The following IL1RAPL1 variants were observed in gnomAD, a reference collection of about 807,000 sequenced individuals.
The protein encoded by IL1RAPL1 is interleukin 1 receptor accessory protein like 1.
IL1RAPL1 carries 3 observed loss-of-function variants against 48.4 expected under a neutral mutation model. The observed-to-expected ratio is 0.06, with a 90% CI of 0.03 to 0.16. IL1RAPL1 has a LOEUF of 0.16. IL1RAPL1 is among the 10% of genes least tolerant of loss of function. IL1RAPL1 has a pLI of 1.00. For missense variants in IL1RAPL1, 349 were observed against 530.6 expected (o/e 0.66, Z 3.36); for synonymous variants, 185 against 187.7 (o/e 0.99, Z 0.12).
At chrX:29,662,229 A>G (rs891662038) in intron 5 of IL1RAPL1, among the ~76,000 whole-genome samples, 4 of 111,295 alleles carry the variant, frequency 3.6e-5, no homozygotes, top group African/African-American at 1.3e-4. Context: ...AGTATACTCC[A>G]TCTCAGCACC....
At chrX:29,153,344 G>A (rs225045) in intron 2 of IL1RAPL1, among the ~76,000 whole-genome samples, 49,452 of 110,494 alleles carry the variant, frequency 0.45, 8,503 homozygotes, top group Non-Finnish European at 0.55. Flanking sequence ...TAATATATTC[G>A]CAGGTTCAGG....
intron 2 of IL1RAPL1, among the ~76,000 whole-genome samples, chrX:29,080,051 TTTTTAG>T (rs1313209904): frequency 9.0e-6 from 1 of 111,563 alleles, no homozygotes; most frequent in African/African-American, 3.3e-5. Context: ...TCTTGGATTT[TTTTTAG>T]TTTTAGTTTC....
intron 6 of IL1RAPL1, among the ~76,000 whole-genome samples, chrX:29,691,750 CAA>C (rs761236508): frequency 1.7e-4 from 3 of 17,685 alleles, no homozygotes; most frequent in African/African-American, 1.0e-3. Flanking sequence ...GACTCCGTCT[CAA>C]AAAAAAAAAA....
chrX:29,294,453 G>A (rs779494990), intron 3 of IL1RAPL1, among the ~76,000 whole-genome samples: 13 of 107,280 alleles, frequency 1.2e-4, no homozygotes, highest in Non-Finnish European at 2.3e-4. Flanking sequence ...GCGTGAACCC[G>A]GGAGGCAGAG....
intron 2 of IL1RAPL1, among the ~76,000 whole-genome samples, chrX:28,973,237 T>G (rs1925127686): frequency 8.9e-6 from 1 of 112,225 alleles, no homozygotes; most frequent in African/African-American, 3.2e-5. Flanking sequence ...CTTTGTTGTT[T>G]ATGACACAGT....
intron 1 of IL1RAPL1, among the ~76,000 whole-genome samples, chrX:28,783,131 A>G (rs1054568682): frequency 1.8e-5 from 2 of 111,449 alleles, no homozygotes; most frequent in Non-Finnish European, 1.9e-5. Context: ...AGGTGTGCCA[A>G]TTATCCCATA....
intron 1 of IL1RAPL1, among the ~76,000 whole-genome samples, chrX:28,672,519 T>G (rs1312160475): frequency 9.0e-6 from 1 of 111,708 alleles, no homozygotes; most frequent in Non-Finnish European, 1.9e-5. Context: ...CTGCTCATCC[T>G]TAGTTTCACC....
At chrX:29,359,359 A>G (rs745461245) in intron 3 of IL1RAPL1, among the ~76,000 whole-genome samples, 4 of 111,900 alleles carry the variant, frequency 3.6e-5, no homozygotes, top group African/African-American at 1.3e-4. Context: ...AAAATAAAAT[A>G]AAACAATAAT....
intron 2 of IL1RAPL1, among the ~76,000 whole-genome samples, chrX:29,161,816 A>G (rs1387579011): frequency 8.9e-6 from 1 of 112,300 alleles, no homozygotes; most frequent in African/African-American, 3.2e-5. Flanking sequence ...TTAAGGATCT[A>G]GAACCAGAAA....
chrX:29,006,647 A>ATGTGTGTG (rs547186942), intron 2 of IL1RAPL1, among the ~76,000 whole-genome samples: 1,724 of 76,876 alleles, frequency 0.022, 43 homozygotes, highest in Admixed American at 0.066. Flanking sequence ...GTTTATATAT[A>ATGTGTGTG]TGTGTGTGTG....
chrX:28,641,857 C>T (rs747165280), intron 1 of IL1RAPL1, among the ~76,000 whole-genome samples: 2 of 110,659 alleles, frequency 1.8e-5, no homozygotes, highest in African/African-American at 3.3e-5. Context: ...TTATTGGCCG[C>T]GTAAATGTCT....
intron 1 of IL1RAPL1, among the ~76,000 whole-genome samples, chrX:28,740,894 T>C (rs192787406): frequency 1.8e-3 from 207 of 112,168 alleles, no homozygotes; most frequent in Non-Finnish European, 3.4e-3. Context: ...TAGTCCACCA[T>C]TGATGGACAT....
intron 5 of IL1RAPL1, among the ~76,000 whole-genome samples, chrX:29,575,699 G>A (rs1922752147): frequency 8.9e-6 from 1 of 112,136 alleles, no homozygotes; most frequent in South Asian, 3.7e-4. Flanking sequence ...CAATCAAGTT[G>A]CCACCTAATA....
chrX:29,943,443 A>G (rs1221749987), intron 9 of IL1RAPL1, among the ~76,000 whole-genome samples: 1 of 112,128 alleles, frequency 8.9e-6, no homozygotes, highest in African/African-American at 3.2e-5. Flanking sequence ...TTACTCAAGA[A>G]GATAACACAA....
intron 2 of IL1RAPL1, among the ~76,000 whole-genome samples, chrX:28,931,001 C>T (rs891807340): frequency 8.1e-5 from 9 of 110,834 alleles, no homozygotes; most frequent in African/African-American, 3.0e-4. Context: ...AAGGAAATAC[C>T]GGCTATAAGC....
chrX:29,217,769 T>G (rs62586225), intron 2 of IL1RAPL1, among the ~76,000 whole-genome samples: 25,984 of 70,411 alleles, frequency 0.37, 4,076 homozygotes, highest in Non-Finnish European at 0.53. Context: ...TCTCTCTCTC[T>G]CTCTCTCTCA....
intron 1 of IL1RAPL1, among the ~76,000 whole-genome samples, chrX:28,716,019 G>C (rs1158906567): frequency 2.7e-5 from 3 of 112,198 alleles, no homozygotes; most frequent in Non-Finnish European, 5.6e-5. Context: ...ATGCAAGCAA[G>C]CTTGGTTCAA....
intron 6 of IL1RAPL1, among the ~76,000 whole-genome samples, chrX:29,710,036 A>G (rs1456770291): frequency 8.9e-6 from 1 of 112,105 alleles, no homozygotes; most frequent in African/African-American, 3.2e-5. Context: ...GAATTTAAGT[A>G]TCTCGATTCT....
At chrX:29,106,370 A>G (rs746595193) in intron 2 of IL1RAPL1, among the ~76,000 whole-genome samples, 1 of 111,396 alleles carries the variant, frequency 9.0e-6, no homozygotes, top group East Asian at 2.8e-4. Context: ...CTTAAGGGCA[A>G]CAGGGATTCA....
Sources: allele counts gnomAD v4.1 joint callset (sites outside exome capture counted in the v4.1 genomes callset), GRCh38; gene constraint gnomAD v4.1.1; transcripts MANE v1.5; gene names NCBI Gene and HGNC (gene_info 2026-07-23, HGNC 2026-07-21).